SNX13: variants seen among roughly 807,000 people sequenced by gnomAD.
SNX13 encodes sorting nexin-13.
In SNX13, 45 loss-of-function variants were observed where a neutral mutation model predicts 133.6. The observed-to-expected ratio is 0.34, with a 90% CI of 0.27 to 0.43. The LOEUF is 0.43. SNX13 is among the 20% of genes least tolerant of loss of function. The pLI is 1.00. For synonymous variants in SNX13, 414 were observed against 373.9 expected, an observed-to-expected ratio of 1.11 and a Z score of -1.24; for missense variants, 1,032 against 1,145.1, an observed-to-expected ratio of 0.90 and a Z score of 1.43.
intron 9 of SNX13, among the ~76,000 whole-genome samples, chr7:17,866,953 G>A (rs756841299): frequency 7.2e-5 from 11 of 151,994 alleles, no homozygotes; most frequent in Non-Finnish European, 1.2e-4. Flanking sequence ...TGCTTATATC[G>A]AAATATCACA....
At chr7:17,872,931 A>C (rs1412907056) in intron 8 of SNX13, among the ~76,000 whole-genome samples, 2 of 152,368 alleles carry the variant, frequency 1.3e-5, no homozygotes, top group African/African-American at 2.4e-5. Flanking sequence ...AGGGAATAAC[A>C]AGTCCAAGAC....
chr7:17,901,408 C>T (rs1054366373), intron 1 of SNX13, among the ~76,000 whole-genome samples: 3 of 152,108 alleles, frequency 2.0e-5, no homozygotes, highest in African/African-American at 7.2e-5. Context: ...TGTGGCCTAG[C>T]CTGCCTTTCA....
intron 2 of SNX13, 22 bp from the exon 3 acceptor site, chr7:17,893,456 CAAATAT>C (rs1483533530): frequency 7.0e-7 from 1 of 1,428,078 alleles, no homozygotes; most frequent in South Asian, 1.3e-5. Flanking sequence ...AATTTAATCA[CAAATAT>C]AAAAACAAAA....
At chr7:17,838,850 T>C (rs2128315190) in intron 13 of SNX13, among the ~76,000 whole-genome samples, 1 of 151,892 alleles carries the variant, frequency 6.6e-6, no homozygotes, top group South Asian at 2.1e-4. Context: ...TTTATGGCCT[T>C]GCAAATGATT....
intron 12 of SNX13, among the ~76,000 whole-genome samples, chr7:17,843,492 T>G (rs1442934297): frequency 1.3e-5 from 2 of 152,030 alleles, no homozygotes; most frequent in Non-Finnish European, 2.9e-5. Flanking sequence ...GTTGGAGATT[T>G]CGATGCCCCA....
chr7:17,879,116 T>G (rs1795062091), intron 5 of SNX13, among the ~76,000 whole-genome samples: 1 of 152,244 alleles, frequency 6.6e-6, no homozygotes, highest in Non-Finnish European at 1.5e-5. Flanking sequence ...TTATAGCTCT[T>G]ACAACCTACA....
At position 17,791,371 on chromosome 7, in the gene SNX13, A is replaced by G. The variant is rs1168866565; in HGVS notation, c.*2674T>C. On this transcript the variant is annotated 3_prime_UTR_variant, in exon 26 of 26. Coordinates refer to ENST00000428135, the MANE Select transcript of SNX13 (RefSeq NM_015132.5). ...AAATGAACAAACTGAAATATTCAAGAAAGTTTTTGTTTTTTTTTTTTTTAA... is the reference window on the plus strand; with the variant it reads ...AAATGAACAAACTGAAATATTCAAGGAAGTTTTTGTTTTTTTTTTTTTTAA... The G allele has an allele frequency of 1.3e-5, 2 of 151,724 alleles. No individual in the cohort carries two copies. Among genetic ancestry groups the G allele is most frequent in the Admixed American group, 6.6e-5 (1 of 15,212 alleles). 9.4% of individuals were successfully genotyped at this position (151,724 alleles called of 1,614,324 possible). A position where few individuals can be genotyped will look rare whatever the true frequency, so the allele number is the denominator to read the frequency against.
chr7:17,887,767 A>C (rs1244130066), intron 5 of SNX13, among the ~76,000 whole-genome samples: 1 of 152,156 alleles, frequency 6.6e-6, no homozygotes, highest in Non-Finnish European at 1.5e-5. Flanking sequence ...TGATGAATAA[A>C]TACAAACACT....
chr7:17,938,459 C>G (rs1029331544), intron 1 of SNX13, among the ~76,000 whole-genome samples: 1 of 152,128 alleles, frequency 6.6e-6, no homozygotes, highest in African/African-American at 2.4e-5. Flanking sequence ...GACTTTAGTA[C>G]AATTTAATCT....
At chr7:17,801,015 T>TATATATATATATATATATAC (rs1784561596) in intron 22 of SNX13, among the ~76,000 whole-genome samples, 1 of 8,936 alleles carries the variant, frequency 1.1e-4, no homozygotes, top group African/African-American at 3.2e-4. Flanking sequence ...TGAACATATA[T>TATATATATATATATATATAC]ATATATATAT....
chr7:17,841,576 A>ACACACACG (rs1789894890), intron 12 of SNX13, among the ~76,000 whole-genome samples: 1 of 151,388 alleles, frequency 6.6e-6, no homozygotes, highest in Non-Finnish European at 1.5e-5. Context: ...ACACACACAC[A>ACACACACG]CACACACGCA....
In SNX13 at chr7:17,803,540, T is replaced by C. The variant is rs111462281; in HGVS notation, c.2105A>G (p.Asn702Ser). Reference sequence around the variant, plus strand: ...AAGGGATTTAACTGCATTTGAAACATTCCTCATTGAATTGCGAAGTGGATT... The same window carrying C: ...AAGGGATTTAACTGCATTTGAAACACTCCTCATTGAATTGCGAAGTGGATT... ...FVNPLRNSMR[N>S]VSNAVKSLPD... The change falls in exon 21 of 26, where the codon AAT becomes AGT. Residue 702 changes from asparagine to serine, a missense_variant. Physicochemically the swap from Asn to Ser is conservative, Grantham distance 46 (BLOSUM62 1). Coordinates refer to ENST00000428135, the MANE Select transcript of SNX13 (RefSeq NM_015132.5). 1 of 1,611,566 alleles carries C rather than the reference T, an allele frequency of 6.2e-7. No homozygotes were observed. The highest frequency in any genetic ancestry group is 8.5e-7 in the Non-Finnish European group (1 of 1,178,846).
Position 17,843,343 on chromosome 7 carries a change from T to C in SNX13, c.1165+2252A>G, listed in dbSNP as rs149339857. On this transcript the variant is annotated intron_variant, in intron 12 of 25. Transcript: ENST00000428135. ...AATGGTTAAGATGTAAATAAGGTCA[T>C]TATATATTAATAAAAGATTCAGCAT... Among the ~76,000 whole-genome samples, 49 of 152,166 alleles carry C rather than the reference T, an allele frequency of 3.2e-4. 1 individual carries two copies. The East Asian group carries it at 6.9e-3, about 22-fold the overall frequency.
At chr7:17,846,207 C>T (rs1227861984) in intron 11 of SNX13, among the ~76,000 whole-genome samples, 1 of 151,004 alleles carries the variant, frequency 6.6e-6, no homozygotes, top group Non-Finnish European at 1.5e-5. Context: ...TTCAGACATA[C>T]TTTTCAAAGT....
chr7:17,920,981 T>G (rs904817899), intron 1 of SNX13, among the ~76,000 whole-genome samples: 19 of 151,998 alleles, frequency 1.3e-4, no homozygotes, highest in African/African-American at 4.6e-4. Flanking sequence ...CGCACTGGAG[T>G]GAGAAGAACA....
At chr7:17,932,938 C>T (rs1444312460) in intron 1 of SNX13, among the ~76,000 whole-genome samples, 2 of 152,190 alleles carry the variant, frequency 1.3e-5, no homozygotes, top group Non-Finnish European at 1.5e-5. Context: ...CTAAATTTAG[C>T]GCTGATAGTG....
intron 21 of SNX13, among the ~76,000 whole-genome samples, chr7:17,803,015 T>C (rs1239915683): frequency 2.0e-5 from 3 of 152,184 alleles, no homozygotes; most frequent in African/African-American, 7.2e-5. Flanking sequence ...TTCTATCATG[T>C]AAATCAGGAG....
chr7:17,839,930 G>T lies in SNX13; in HGVS notation c.1236C>A (p.Thr412=). 2.5e-6 allele frequency: 4 copies of T among 1,611,812 alleles called. No individual in the cohort carries two copies. The highest frequency in any genetic ancestry group is 3.4e-6 in the Non-Finnish European group (4 of 1,178,572). The change falls in exon 13 of 26, where the codon ACC becomes ACA. Residue 412 remains threonine (T), a synonymous_variant. Coordinates refer to ENST00000428135, the MANE Select transcript of SNX13 (RefSeq NM_015132.5). ...ATAAAACTTCTAGCTGCTGTTGGGCGGTAACCCGGTATCCTTCCACTGTCA... is the reference window on the plus strand; with the variant it reads ...ATAAAACTTCTAGCTGCTGTTGGGCTGTAACCCGGTATCCTTCCACTGTCA... The part of the protein sequence containing the change: ...FWMTVEGYRV[T]AQQQLEVLLS...
chr7:17,793,960 C>G lies in SNX13; in HGVS notation c.*85G>C. 6.9e-7 allele frequency: 1 copy of G among 1,449,456 alleles called. No individual in the cohort carries two copies. The highest frequency in any genetic ancestry group is 9.4e-7 in the Non-Finnish European group (1 of 1,067,740). The allele number at this position is 1,449,456 out of a possible 1,614,324, so 89.8% of individuals were successfully genotyped here. ...AGACACTAAAAGACTGGTGCAGACA[C>G]AACAGTATTTGAGTTAAGCCCCAGA... On this transcript the variant is annotated 3_prime_UTR_variant, in exon 26 of 26. Coordinates refer to ENST00000428135, the MANE Select transcript of SNX13 (RefSeq NM_015132.5).
Sources: gnomAD v4.1 joint callset for allele counts (sites outside exome capture counted in the v4.1 genomes callset) on GRCh38, gnomAD v4.1.1 for gene constraint, MANE v1.5 for transcripts, NCBI Gene and HGNC (gene_info 2026-07-23, HGNC 2026-07-21) for gene names.